Variants in ATP2C2 observed in about 807,000 individuals in gnomAD.
The protein encoded by ATP2C2 is calcium-transporting ATPase type 2C member 2.
ATP2C2 carries 171 observed loss-of-function variants against 110.8 expected under a neutral mutation model. The observed-to-expected ratio is 1.54, with a 90% confidence interval of 1.36 to 1.75. The LOEUF (loss-of-function observed/expected upper bound fraction) is 1.75, where lower values mean the gene tolerates loss of function less well. Among genes scored for constraint, ATP2C2 ranks in the 40% most tolerant of loss-of-function variants. ATP2C2 has a pLI of 0.00. For missense variants in ATP2C2, 1,963 were observed against 1,235.0 expected (o/e 1.59, Z -8.84); for synonymous variants, 804 against 508.4 (o/e 1.58, Z -7.82).
In ATP2C2 at chr16:84,422,664, CGGA is replaced by C. The variant is rs1907456972; in HGVS notation, c.812_814del (p.Gly271del). ...TTGGAACAGGGGAAAGCTCTCAGTT[CGGA>C]GAAGTGTTTAAGATGATGCAGGCTG... On this transcript the variant is annotated inframe_deletion, in exon 9 of 27. Coordinates refer to ENST00000262429, the MANE Select transcript of ATP2C2 (RefSeq NM_014861.4). 6.2e-7 allele frequency: 1 copy of C among 1,613,346 alleles called. No individual in the cohort carries two copies. Among genetic ancestry groups the C allele is most frequent in the South Asian group, 1.1e-5 (1 of 90,956 alleles).
At position 84,415,581 on chromosome 16, in the gene ATP2C2, G is replaced by T; in HGVS notation, c.614G>T (p.Arg205Leu). 6.2e-7 allele frequency: 1 copy of T among 1,613,330 alleles called. No homozygotes were observed. The highest frequency in any genetic ancestry group is 1.1e-5 in the South Asian group (1 of 90,930). Reference sequence around the variant, plus strand: ...GGAGACCGGATCCCTGCAGACATCCGACTCACTGAGGTGAGTGGTTCCAAA... The same window carrying T: ...GGAGACCGGATCCCTGCAGACATCCTACTCACTGAGGTGAGTGGTTCCAAA... ...SIGDRIPADI[R>L]LTEVTDLLVD... Residue 205 changes from arginine to leucine, a missense_variant, in exon 7 of 27, where the codon CGA (arginine) becomes CTA (leucine). Physicochemically the swap from Arg to Leu is moderately radical, Grantham distance 102 (BLOSUM62 -2). Transcript: ENST00000262429.
intron 11 of ATP2C2, among the ~76,000 whole-genome samples, chr16:84,429,498 A>G (rs1158200510): frequency 1.3e-5 from 2 of 152,132 alleles, no homozygotes; most frequent in African/African-American, 2.4e-5. Context: ...GTTACTGTGT[A>G]TAGCACGTGA....
At chr16:84,376,638 T>C (rs548190170) in intron 1 of ATP2C2, among the ~76,000 whole-genome samples, 1 of 152,080 alleles carries the variant, frequency 6.6e-6, no homozygotes, top group African/African-American at 2.4e-5. Context: ...AGCCAAAAGA[T>C]TGGACACCCC....
chr16:84,384,734 G>C (rs1239131758), intron 1 of ATP2C2, among the ~76,000 whole-genome samples: 1 of 152,142 alleles, frequency 6.6e-6, no homozygotes, highest in African/African-American at 2.4e-5. Context: ...ATCTACATTA[G>C]TCCCTTCTCA....
chr16:84,431,648 G>A (rs1016605753), intron 11 of ATP2C2, among the ~76,000 whole-genome samples: 1 of 151,994 alleles, frequency 6.6e-6, no homozygotes, highest in Non-Finnish European at 1.5e-5. Flanking sequence ...GAACATATCC[G>A]AGGGTCACTT....
chr16:84,420,443 G>A (rs1010945959), intron 7 of ATP2C2, among the ~76,000 whole-genome samples: 2 of 151,060 alleles, frequency 1.3e-5, no homozygotes, highest in Non-Finnish European at 2.9e-5. Context: ...TCCCGGGGTG[G>A]GGGTCATCTT....
intron 11 of ATP2C2, among the ~76,000 whole-genome samples, chr16:84,432,350 GGTGGTT>G (rs1908354054): frequency 6.6e-6 from 1 of 152,070 alleles, no homozygotes; most frequent in Non-Finnish European, 1.5e-5. Context: ...CACGTGCCAT[GGTGGTT>G]TGCTGCACCT....
chr16:84,454,664 G>A (rs377025228), intron 20 of ATP2C2, among the ~76,000 whole-genome samples, 154 bp from the exon 21 acceptor site: 24 of 152,298 alleles, frequency 1.6e-4, no homozygotes, highest in African/African-American at 3.1e-4. Flanking sequence ...TCAAGGGCTC[G>A]CCCAATTCCC....
intron 1 of ATP2C2, among the ~76,000 whole-genome samples, chr16:84,371,540 C>T (rs188611877): frequency 6.6e-6 from 1 of 152,166 alleles, no homozygotes; most frequent in African/African-American, 2.4e-5. Context: ...TTTGAGAGGC[C>T]TCCTTAATTT....
chr16:84,426,972 T>C (rs16973771), intron 11 of ATP2C2, among the ~76,000 whole-genome samples: 58,451 of 152,042 alleles, frequency 0.38, 11,421 homozygotes, highest in South Asian at 0.4. Context: ...GTAGTTCTTC[T>C]GTGGCTATTT....
At chr16:84,459,076 C>G in intron 21 of ATP2C2, 44 bp from the exon 22 acceptor site, 1 of 1,607,904 alleles carries the variant, frequency 6.2e-7, no homozygotes, top group African/African-American at 1.3e-5. Context: ...GTCCAGCCCT[C>G]ACGCAGGCCC....
chr16:84,415,474 C>G lies in ATP2C2; in HGVS notation c.516-9C>G, dbSNP rs767446516. 3.1e-6 allele frequency: 5 copies of G among 1,612,502 alleles called. No homozygotes were observed. Among genetic ancestry groups the G allele is most frequent in the African/African-American group, 1.3e-5 (1 of 74,866 alleles). ...TGGATGCTTTTGCTTTTTACCATGT[C>G]AAATGCAGCCTAAGAGAAGGAAAAC... On this transcript the variant is annotated splice_polypyrimidine_tract_variant and intron_variant, in intron 6 of 26. Transcript: ENST00000262429.
At chr16:84,432,245 G>C (rs1908344532) in intron 11 of ATP2C2, among the ~76,000 whole-genome samples, 2 of 152,124 alleles carry the variant, frequency 1.3e-5, no homozygotes, top group African/African-American at 4.8e-5. Flanking sequence ...AATGTGTTGA[G>C]ACTCACATTT....
Position 84,410,929 on chromosome 16 carries a change from T to C in ATP2C2, c.515+164T>C, listed in dbSNP as rs182039031. On this transcript the variant is annotated intron_variant, in intron 6 of 26. Transcript: ENST00000262429. ...TGGTCTCCGCCTGCCAATAGGTCGC[T>C]GTGTGTCCTCGGGCATGTCACTCAA... is the stretch of plus-strand genomic sequence containing the variant. The C allele has an allele frequency of 4.7e-4, 318 of 683,394 alleles. 5 individuals are homozygous for C. The African/African-American group carries it at 5.0e-3, about 11-fold the overall frequency. The allele number at this position is 683,394 out of a possible 1,614,324, so 42.3% of individuals were successfully genotyped here.
rs1287065787 is a variant in ATP2C2, at chr16:84,459,344, TC to T, written c.2293del (p.Leu765TyrfsTer17). 1.2e-6 allele frequency: 2 copies of T among 1,614,156 alleles called. No homozygotes were observed. The highest frequency in any genetic ancestry group is 4.5e-5 in the East Asian group (2 of 44,876). ...CCCAGCCCCCTCAACGCCATGCAGA[TC>T]CTATGGATCAACATCATCATGGATG... Reference protein sequence around the residue: ...NLPSPLNAMQILWINIIMDGP... With the variant: ...NLPSPLNAMQXLWINIIMDGP... On this transcript the variant is annotated frameshift_variant, in exon 23 of 27. Transcript: ENST00000262429. LOFTEE classifies it high-confidence loss of function.
chr16:84,437,448 T>C (rs1353286058), intron 11 of ATP2C2, among the ~76,000 whole-genome samples: 1 of 152,182 alleles, frequency 6.6e-6, no homozygotes, highest in South Asian at 2.1e-4. Flanking sequence ...TGAGCTCAAA[T>C]GATCTGCCAG....
chr16:84,380,664 G>A (rs1910525375), intron 1 of ATP2C2, among the ~76,000 whole-genome samples: 1 of 152,168 alleles, frequency 6.6e-6, no homozygotes. Flanking sequence ...CTGCCTGGAT[G>A]CAAATTCTAG....
chr16:84,407,948 C>T (rs563562663), intron 3 of ATP2C2, among the ~76,000 whole-genome samples: 2 of 152,278 alleles, frequency 1.3e-5, no homozygotes, highest in African/African-American at 2.4e-5. Context: ...GTTTTGGGAA[C>T]GGCTGTTTTA....
chr16:84,399,239 T>G (rs1045072150), intron 2 of ATP2C2, among the ~76,000 whole-genome samples: 1 of 152,222 alleles, frequency 6.6e-6, no homozygotes, highest in Non-Finnish European at 1.5e-5. Flanking sequence ...TACTACAATT[T>G]CAGGAAGTTG....
Sources: gnomAD v4.1 joint callset for allele counts (sites outside exome capture counted in the v4.1 genomes callset) on GRCh38, gnomAD v4.1.1 for gene constraint, MANE v1.5 for transcripts, NCBI Gene and HGNC (gene_info 2026-07-23, HGNC 2026-07-21) for gene names.